ASPH: variants seen among roughly 807,000 people sequenced by gnomAD.
ASPH encodes the protein aspartyl/asparaginyl beta-hydroxylase.
ASPH carries 100 observed loss-of-function variants against 118.4 expected under a neutral mutation model. That is an observed-to-expected ratio of 0.84 (90% CI 0.72 to 1.00). ASPH has a LOEUF of 1.00. Among genes scored for constraint, ASPH ranks in the 50% least tolerant of loss-of-function variants. ASPH has a pLI of 0.00. For synonymous variants in ASPH, 315 were observed against 325.6 expected (o/e 0.97, Z 0.35); for missense variants, 920 against 919.5 (o/e 1.00, Z -0.01).
chr8:61,505,967 A>G (rs1411536239), intron 24 of ASPH, among the ~76,000 whole-genome samples: 1 of 152,210 alleles, frequency 6.6e-6, no homozygotes, highest in Non-Finnish European at 1.5e-5. Flanking sequence ...AAACGAGCCT[A>G]TAATTTATGT....
chr8:61,579,011 G>A (rs1836416009), intron 15 of ASPH: 1 of 1,610,830 alleles, frequency 6.2e-7, no homozygotes, highest in South Asian at 1.1e-5. Context: ...CTGAGGTCAA[G>A]GCACAGTACG....
intron 3 of ASPH, among the ~76,000 whole-genome samples, chr8:61,667,871 A>G (rs1347235994): frequency 6.6e-6 from 1 of 152,204 alleles, no homozygotes; most frequent in African/African-American, 2.4e-5. Context: ...TTTTCCCAAA[A>G]GTAATTCAAA....
rs1469260707 is a variant in ASPH at position 61,585,576 on chromosome 8, G to A, written c.977-1547C>T. Among the ~76,000 whole-genome samples the A allele has an allele frequency of 4.8e-5, 5 of 104,716 alleles. No individual in the cohort carries two copies. In the South Asian group the frequency reaches 7.4e-4, roughly 15 times the overall value. 68.7% of individuals were successfully genotyped at this position (104,716 alleles called of 152,430 possible). On this transcript the variant is annotated intron_variant, in intron 14 of 24. Coordinates refer to ENST00000379454, the MANE Select transcript of ASPH (RefSeq NM_004318.4). ...TGTCTATTCACTCTCAGCATCTCTC[G>A]TGTGCCCCCTGGTGGGAATTTAATA...
At chr8:61,577,227 A>C (rs1835483923) in intron 15 of ASPH, among the ~76,000 whole-genome samples, 1 of 151,976 alleles carries the variant, frequency 6.6e-6, no homozygotes, top group Non-Finnish European at 1.5e-5. Flanking sequence ...CCTAATGTAC[A>C]TGACGGGTGA....
intron 12 of ASPH, among the ~76,000 whole-genome samples, chr8:61,634,090 T>G (rs538192350): frequency 2.6e-5 from 4 of 152,244 alleles, no homozygotes; most frequent in Non-Finnish European, 5.9e-5. Flanking sequence ...TATTTCTTCT[T>G]TAACATCAAA....
chr8:61,624,503 A>C (rs1852034223), intron 13 of ASPH: 1 of 966,462 alleles, frequency 1.0e-6, no homozygotes, highest in Non-Finnish European at 1.2e-6. Flanking sequence ...AACAAATTAA[A>C]AATACCTTAT....
chr8:61,707,568 T>G (rs956077036), intron 1 of ASPH, among the ~76,000 whole-genome samples: 4 of 152,192 alleles, frequency 2.6e-5, no homozygotes, highest in Non-Finnish European at 5.9e-5. Flanking sequence ...GTACTTTCTA[T>G]GACCCACAAT....
At chr8:61,601,440 C>T (rs544989577) in intron 14 of ASPH, among the ~76,000 whole-genome samples, 1 of 150,516 alleles carries the variant, frequency 6.6e-6, no homozygotes, top group African/African-American at 2.5e-5. Context: ...ACTCAGGAGG[C>T]TGAAGCAGAG....
chr8:61,626,798 A>T (rs1455671411), intron 13 of ASPH, among the ~76,000 whole-genome samples: 1 of 152,002 alleles, frequency 6.6e-6, no homozygotes, highest in East Asian at 1.9e-4. Context: ...AAAAGTATAT[A>T]AGTATTTTAA....
chr8:61,689,210 T>C (rs145652156), intron 1 of ASPH, among the ~76,000 whole-genome samples: 4 of 152,326 alleles, frequency 2.6e-5, no homozygotes, highest in African/African-American at 4.8e-5. Context: ...TTTGCATTTA[T>C]TGTCTGCTTC....
chr8:61,673,128 G>A (rs971446880), intron 3 of ASPH, among the ~76,000 whole-genome samples: 35 of 152,106 alleles, frequency 2.3e-4, no homozygotes, highest in African/African-American at 8.5e-4. Context: ...AGCTCTATAA[G>A]ACAGGGAGGT....
At chr8:61,652,400 A>G (rs1298621369) in intron 4 of ASPH, among the ~76,000 whole-genome samples, 2 of 152,222 alleles carry the variant, frequency 1.3e-5, no homozygotes, top group East Asian at 3.8e-4. Context: ...CTCCAGAATC[A>G]TCTGCTACCA....
At chr8:61,626,626 AAATAC>A (rs1852942869) in intron 13 of ASPH, among the ~76,000 whole-genome samples, 1 of 152,032 alleles carries the variant, frequency 6.6e-6, no homozygotes, top group Non-Finnish European at 1.5e-5. Flanking sequence ...TTTGAAAAAT[AAATAC>A]AAGAAGCAGT....
chr8:61,706,404 C>CAAAA (rs55731088), intron 1 of ASPH, among the ~76,000 whole-genome samples: 31 of 70,558 alleles, frequency 4.4e-4, no homozygotes, highest in African/African-American at 9.5e-4. Context: ...GGTCATGACT[C>CAAAA]AAAAAAAAAA....
chr8:61,673,974 CTTGT>C (rs1823972233), intron 3 of ASPH, among the ~76,000 whole-genome samples: 1 of 152,100 alleles, frequency 6.6e-6, no homozygotes, highest in Admixed American at 6.5e-5. Context: ...ATCCCACATT[CTTGT>C]TTTTCACTTA....
At chr8:61,575,329 T>G (rs1384659166) in intron 16 of ASPH, among the ~76,000 whole-genome samples, 1 of 152,240 alleles carries the variant, frequency 6.6e-6, no homozygotes, top group East Asian at 1.9e-4. Context: ...TTCAGGGCTT[T>G]GCTCAAATGT....
chr8:61,680,974 A>C lies in ASPH; in HGVS notation c.316T>G (p.Leu106Val), dbSNP rs1375001031. 3 of 1,601,858 alleles carry C rather than the reference A, an allele frequency of 1.9e-6. No homozygotes were observed. Among genetic ancestry groups the C allele is most frequent in the Non-Finnish European group, 2.6e-6 (3 of 1,173,898 alleles). The change falls in exon 3 of 25, where the codon TTA becomes GTA. Residue 106 changes from leucine to valine, a missense_variant. Coordinates refer to ENST00000379454, the MANE Select transcript of ASPH (RefSeq NM_004318.4). The stretch of plus-strand genomic sequence containing the variant: ...ACATAAAATGTGTACTTGCCTAATA[A>C]AACTTTGGCATCATCCACATCAAAA... The part of the protein sequence containing the change: ...GDFDVDDAKV[L>V]LGLKERSTSE...
At position 61,644,738 on chromosome 8, in the gene ASPH, AAATTAAAAAATGGGACTATC is replaced by A. The variant is rs138096245; in HGVS notation, c.620-126_620-107del. 1.4e-3 allele frequency: 1,153 copies of A among 819,778 alleles called. 7 individuals carry two copies. The highest frequency in any genetic ancestry group is 0.013 in the Middle Eastern group (43 of 3,264). The allele number at this position is 819,778 out of a possible 1,614,324, so 50.8% of individuals were successfully genotyped here. The stretch of plus-strand genomic sequence containing the variant: ...ATGCTTATCATTAATTTTATTTAAA[AAATTAAAAAATGGGACTATC>A]AATTAAAAGTCTGCTTAACACTTTT... On this transcript the variant is annotated intron_variant, in intron 6 of 24. Transcript: ENST00000379454.
chr8:61,643,516 A>C, intron 8 of ASPH, 83 bp from the exon 9 acceptor site: 1 of 1,341,866 alleles, frequency 7.5e-7, no homozygotes, highest in Non-Finnish European at 1.0e-6. Flanking sequence ...TCATAAATTA[A>C]TTATCTTCAC....
Sources: allele counts gnomAD v4.1 joint callset (sites outside exome capture counted in the v4.1 genomes callset), GRCh38; gene constraint gnomAD v4.1.1; transcripts MANE v1.5; gene names NCBI Gene and HGNC (gene_info 2026-07-23, HGNC 2026-07-21).